FHIT: variants seen among roughly 807,000 people sequenced by gnomAD.
FHIT encodes fragile histidine triad diadenosine triphosphatase.
A neutral mutation model predicts 17.9 loss-of-function variants in FHIT; 19 were observed. The observed-to-expected ratio is 1.06, with a 90% CI of 0.74 to 1.56. FHIT has a LOEUF of 1.56. Ranked by LOEUF, FHIT falls within the 40% of genes most tolerant of loss-of-function variation. The pLI, the probability that FHIT is intolerant of heterozygous loss-of-function variation, is 0.00. For synonymous variants in FHIT, 81 were observed against 69.7 expected (o/e 1.16, Z -0.81); for missense variants, 248 against 189.2 (o/e 1.31, Z -1.82).
intron 4 of FHIT, among the ~76,000 whole-genome samples, chr3:60,772,262 G>A (rs554434520): frequency 7.0e-6 from 1 of 143,000 alleles, no homozygotes; most frequent in Non-Finnish European, 1.5e-5. Context: ...TTATCACTGA[G>A]ATAGAAATGA....
chr3:59,843,500 G>C (rs193253906), intron 8 of FHIT, among the ~76,000 whole-genome samples: 3 of 152,066 alleles, frequency 2.0e-5, no homozygotes, highest in Non-Finnish European at 2.9e-5. Flanking sequence ...TCTATAGATC[G>C]CTTTGTATAG....
chr3:60,318,502 C>T (rs1285377168), intron 5 of FHIT, among the ~76,000 whole-genome samples: 2 of 152,108 alleles, frequency 1.3e-5, no homozygotes, highest in African/African-American at 4.8e-5. Context: ...CTTACAAAAA[C>T]ACAGAAATAG....
intron 8 of FHIT, among the ~76,000 whole-genome samples, chr3:59,816,208 T>G (rs1239185410): frequency 6.6e-6 from 1 of 152,152 alleles, no homozygotes; most frequent in Non-Finnish European, 1.5e-5. Flanking sequence ...TCTATGTAAA[T>G]GGGGACAGTG....
chr3:59,910,146 A>G (rs1382766580), intron 8 of FHIT, among the ~76,000 whole-genome samples: 1 of 152,194 alleles, frequency 6.6e-6, no homozygotes, highest in African/African-American at 2.4e-5. Flanking sequence ...GGTTTTATAC[A>G]TTTTAGGGAG....
chr3:60,511,281 T>C (rs536807857), intron 5 of FHIT, among the ~76,000 whole-genome samples: 81 of 152,290 alleles, frequency 5.3e-4, no homozygotes, highest in African/African-American at 1.9e-3. Context: ...ATATTACCTA[T>C]AATTACCACC....
intron 3 of FHIT, chr3:60,856,509 A>G (rs1703390659): frequency 6.6e-6 from 1 of 152,176 alleles, no homozygotes; most frequent in Admixed American, 6.6e-5. Flanking sequence ...TCGGGAGAGA[A>G]CATTGCATAT....
At chr3:60,867,350 T>C (rs1450182949) in intron 3 of FHIT, among the ~76,000 whole-genome samples, 1 of 152,190 alleles carries the variant, frequency 6.6e-6, no homozygotes, top group Non-Finnish European at 1.5e-5. Flanking sequence ...CAAATATGTA[T>C]TCATATTCAC....
At chr3:60,044,071 T>C (rs752349314) in intron 5 of FHIT, among the ~76,000 whole-genome samples, 3 of 152,220 alleles carry the variant, frequency 2.0e-5, no homozygotes, top group Admixed American at 6.5e-5. Flanking sequence ...ACCAGCTAAA[T>C]TGATTTTTTG....
chr3:59,807,985 G>C (rs552256112), intron 8 of FHIT, among the ~76,000 whole-genome samples: 8 of 152,278 alleles, frequency 5.3e-5, no homozygotes, highest in African/African-American at 1.9e-4. Context: ...GTGGCATTTA[G>C]TGCATTCAAC....
chr3:59,929,618 T>C (rs1274134289), intron 7 of FHIT, among the ~76,000 whole-genome samples: 1 of 151,972 alleles, frequency 6.6e-6, no homozygotes, highest in Non-Finnish European at 1.5e-5. Flanking sequence ...CAGGTGATCA[T>C]GCCCAGCATC....
At chr3:60,143,260 T>C (rs1700113772) in intron 5 of FHIT, among the ~76,000 whole-genome samples, 1 of 152,200 alleles carries the variant, frequency 6.6e-6, no homozygotes, top group Non-Finnish European at 1.5e-5. Flanking sequence ...ATATGGCCTC[T>C]GGGGCCACAC....
chr3:60,581,368 C>G (rs1228624342), intron 4 of FHIT, among the ~76,000 whole-genome samples: 1 of 152,056 alleles, frequency 6.6e-6, no homozygotes, highest in Non-Finnish European at 1.5e-5. Context: ...TTGCTCTTGA[C>G]CTCTATCATA....
At chr3:60,145,448 G>C (rs1700200889) in intron 5 of FHIT, among the ~76,000 whole-genome samples, 1 of 152,092 alleles carries the variant, frequency 6.6e-6, no homozygotes, top group African/African-American at 2.4e-5. Flanking sequence ...GTGTATGCTG[G>C]ATATGAGCAT....
intron 5 of FHIT, among the ~76,000 whole-genome samples, chr3:60,478,750 C>A (rs1418165015): frequency 6.6e-6 from 1 of 152,142 alleles, no homozygotes; most frequent in Non-Finnish European, 1.5e-5. Flanking sequence ...AAAAGGTGCT[C>A]CATTTTTTTG....
At chr3:60,992,923 A>G (rs1023122500) in intron 3 of FHIT, among the ~76,000 whole-genome samples, 8 of 152,326 alleles carry the variant, frequency 5.3e-5, no homozygotes, top group African/African-American at 1.7e-4. Flanking sequence ...GGCTTCCAGC[A>G]TAAGAACAGG....
chr3:60,238,742 A>G (rs1287209173), intron 5 of FHIT, among the ~76,000 whole-genome samples: 1 of 152,152 alleles, frequency 6.6e-6, no homozygotes, highest in East Asian at 1.9e-4. Context: ...AACAACAAAA[A>G]AAGTTGGCAC....
chr3:60,671,918 C>T (rs898544941), intron 4 of FHIT, among the ~76,000 whole-genome samples: 1 of 151,934 alleles, frequency 6.6e-6, no homozygotes, highest in African/African-American at 2.4e-5. Flanking sequence ...CCATTGCACT[C>T]CATCCTGGGC....
At chr3:60,118,956 G>A (rs7648721) in intron 5 of FHIT, among the ~76,000 whole-genome samples, 2 of 151,662 alleles carry the variant, frequency 1.3e-5, no homozygotes, top group South Asian at 4.2e-4. Flanking sequence ...GGGAGGCGGA[G>A]GTTGCAGTGA....
At chr3:59,875,436 CAA>C (rs1050272676) in intron 8 of FHIT, among the ~76,000 whole-genome samples, 1 of 152,212 alleles carries the variant, frequency 6.6e-6, no homozygotes, top group Admixed American at 6.5e-5. Context: ...CTGGCGTCCT[CAA>C]GACTCTTGTC....
Sources: gnomAD v4.1 joint callset for allele counts (sites outside exome capture counted in the v4.1 genomes callset) on GRCh38, gnomAD v4.1.1 for gene constraint, MANE v1.5 for transcripts, NCBI Gene and HGNC (gene_info 2026-07-23, HGNC 2026-07-21) for gene names.